Variants in NUP205 observed in about 807,000 individuals in gnomAD.
NUP205 encodes nuclear pore complex protein Nup205.
A neutral mutation model predicts 253.8 loss-of-function variants in NUP205; 76 were observed. That is an observed-to-expected ratio of 0.30 (90% CI 0.25 to 0.36). The LOEUF is 0.36. Among genes scored for constraint, NUP205 ranks in the 10% least tolerant of loss-of-function variants. The pLI is 1.00. For synonymous variants in NUP205, 832 were observed against 850.1 expected, an observed-to-expected ratio of 0.98 and a Z score of 0.37; for missense variants, 2,162 against 2,425.5, an observed-to-expected ratio of 0.89 and a Z score of 2.28.
Position 135,628,594 on chromosome 7 carries a change from T to C in NUP205, c.4932+483T>C, listed in dbSNP as rs77189082. On this transcript the variant is annotated intron_variant, in intron 34 of 42. Coordinates refer to ENST00000285968, the MANE Select transcript of NUP205 (RefSeq NM_015135.3). ...ATTTTGCTGTCAAAATTTTTTTAAA[T>C]ACCAGAAATTAGTTTTATTTTGATT... Among the ~76,000 whole-genome samples the C allele has an allele frequency of 5.6e-3, 851 of 152,352 alleles. 14 individuals carry two copies. The highest frequency in any genetic ancestry group is 0.051 in the East Asian group (267 of 5,192).
At chr7:135,606,679 T>TTTGTATTTTTTA in intron 20 of NUP205, 72 bp from the exon 21 acceptor site, 1 of 1,189,400 alleles carries the variant, frequency 8.4e-7, no homozygotes. Context: ...GAATACAAGT[T>TTTGTATTTTTTA]TTGTATTTTT....
intron 26 of NUP205, 146 bp from the exon 27 acceptor site, chr7:135,617,456 C>T: frequency 1.4e-6 from 1 of 714,598 alleles, no homozygotes. Context: ...ATATTTTGGT[C>T]TGGAAATTGG....
rs1016919201 is a variant in NUP205, at chr7:135,644,873, A to G, written c.5560-22A>G. 1.9e-6 allele frequency: 3 copies of G among 1,611,536 alleles called. No individual in the cohort carries two copies. In the African/African-American group the frequency reaches 4.0e-5, roughly 21 times the overall value. ...TTTCATTCCAGTTGATGTCATTCTAATACCACATTTGTTTCTTCTAGTTGT... is the reference window on the plus strand; with the variant it reads ...TTTCATTCCAGTTGATGTCATTCTAGTACCACATTTGTTTCTTCTAGTTGT... On this transcript the variant is annotated intron_variant, in intron 39 of 42. Transcript: ENST00000285968.
In NUP205 at chr7:135,593,103, T is replaced by A; in HGVS notation, c.1741T>A (p.Tyr581Asn). Residue 581 changes from tyrosine to asparagine, a missense_variant, in exon 12 of 43, where the codon TAC becomes AAC. Coordinates refer to ENST00000285968, the MANE Select transcript of NUP205 (RefSeq NM_015135.3). The part of the protein sequence containing the change: ...KDLPSADSVQ[Y>N]RHLPSRGITQ... ...TCTTCCAAGTGCAGATAGTGTCCAG[T>A]ACCGTCACCTTCCTTCCCGTGGCAT... The A allele has an allele frequency of 6.2e-7, 1 of 1,614,174 alleles. No homozygotes were observed. The highest frequency in any genetic ancestry group is 2.2e-5 in the East Asian group (1 of 44,876).
intron 13 of NUP205, among the ~76,000 whole-genome samples, chr7:135,595,951 T>G (rs890574779): frequency 4.6e-5 from 7 of 152,068 alleles, no homozygotes; most frequent in Non-Finnish European, 1.0e-4. Context: ...TTTTTTTTTT[T>G]AAGATGAAGT....
chr7:135,609,197 A>G (rs1794166427), intron 22 of NUP205, among the ~76,000 whole-genome samples: 1 of 151,938 alleles, frequency 6.6e-6, no homozygotes, highest in Non-Finnish European at 1.5e-5. Context: ...TTAGGATAAG[A>G]AATGGTGGGT....
At chr7:135,638,895 G>A (rs1430569286) in intron 38 of NUP205, among the ~76,000 whole-genome samples, 1 of 152,198 alleles carries the variant, frequency 6.6e-6, no homozygotes, top group East Asian at 1.9e-4. Context: ...TTTACTGAGA[G>A]TAAATCTAGA....
At chr7:135,570,789 T>C (rs28444589) in intron 1 of NUP205, among the ~76,000 whole-genome samples, 3 of 9,418 alleles carry the variant, frequency 3.2e-4, no homozygotes, top group Non-Finnish European at 7.4e-4. Flanking sequence ...TAATTATATT[T>C]ATATATTATA....
chr7:135,622,437 G>GAA (rs78117816), intron 30 of NUP205, among the ~76,000 whole-genome samples: 4 of 140,820 alleles, frequency 2.8e-5, no homozygotes, highest in Non-Finnish European at 6.2e-5. Context: ...AAAAAAGAAG[G>GAA]AAAAAAAAAA....
At chr7:135,616,578 T>G in intron 24 of NUP205, 77 bp from the exon 25 acceptor site, 3 of 797,778 alleles carry the variant, frequency 3.8e-6, no homozygotes, top group Non-Finnish European at 5.8e-6. Flanking sequence ...AGATACCTTG[T>G]GTTTGTTATT....
At chr7:135,562,781 G>T (rs1294118790) in intron 1 of NUP205, among the ~76,000 whole-genome samples, 1 of 151,614 alleles carries the variant, frequency 6.6e-6, no homozygotes, top group Non-Finnish European at 1.5e-5. Flanking sequence ...TCCTGACCTC[G>T]TATCTGCCCG....
At chr7:135,603,837 T>C (rs1374592622) in intron 18 of NUP205, among the ~76,000 whole-genome samples, 1 of 152,102 alleles carries the variant, frequency 6.6e-6, no homozygotes. Flanking sequence ...AATGACAATA[T>C]TGTCTGTCTC....
At position 135,575,043 on chromosome 7, in the gene NUP205, T is replaced by C. The variant is rs181456682; in HGVS notation, c.343+1218T>C. Among the ~76,000 whole-genome samples, 114 of 152,336 alleles carry C rather than the reference T, an allele frequency of 7.5e-4. 1 individual carries two copies. Among genetic ancestry groups the C allele is most frequent in the Admixed American group, 1.9e-3 (29 of 15,304 alleles). On this transcript the variant is annotated intron_variant, in intron 3 of 42. Transcript: ENST00000285968. ...ACAAACATTTCTTCTATACCTACCATGTGCCAGGCATGGTGTTAATTATAT... is the reference window on the plus strand; with the variant it reads ...ACAAACATTTCTTCTATACCTACCACGTGCCAGGCATGGTGTTAATTATAT...
rs1402030455 is a variant in NUP205, at chr7:135,581,028, G to A, written c.1042+2113G>A. ...TCCTTTTATAAGCTTTAATAGTTAG[G>A]GGTATTATAATTAGAATTTTTAAAC... is the stretch of plus-strand genomic sequence containing the variant. On this transcript the variant is annotated intron_variant, in intron 7 of 42. Coordinates refer to ENST00000285968, the MANE Select transcript of NUP205 (RefSeq NM_015135.3). Among the ~76,000 whole-genome samples, 4 of 151,948 alleles carry A rather than the reference G, an allele frequency of 2.6e-5. No individual in the cohort carries two copies. The East Asian group carries it at 5.8e-4, about 22-fold the overall frequency.
In NUP205 at chr7:135,567,128, GTATATATATATATATATATATATATATA is replaced by G. The variant is rs1163648935; in HGVS notation, c.29-3951_29-3924del. 5.5e-4 allele frequency among the ~76,000 whole-genome samples: 4 copies of G among 7,228 alleles called. 1 individual carries two copies. Among genetic ancestry groups the G allele is most frequent in the Admixed American group, 2.3e-3 (1 of 434 alleles). 4.7% of individuals were successfully genotyped at this position (7,228 alleles called of 152,430 possible). A position where few individuals can be genotyped will look rare whatever the true frequency, so the allele number is the denominator to read the frequency against. Reference sequence around the variant, plus strand: ...TGTCTGTCTTGCTCAGTCTATGTGTGTATATATATATATATATATATATATATATATATATATATATATATATATATAT... The same window carrying G: ...TGTCTGTCTTGCTCAGTCTATGTGTGTATATATATATATATATATATATAT... On this transcript the variant is annotated intron_variant, in intron 1 of 42. Coordinates refer to ENST00000285968, the MANE Select transcript of NUP205 (RefSeq NM_015135.3).
rs758234103 is a variant in NUP205 at position 135,606,133 on chromosome 7, A to G, written c.2824-12A>G. 81 of 1,572,564 alleles carry G rather than the reference A, an allele frequency of 5.2e-5. No individual in the cohort carries two copies. Among genetic ancestry groups the G allele is most frequent in the East Asian group, 6.7e-5 (3 of 44,564 alleles). On this transcript the variant is annotated splice_polypyrimidine_tract_variant and intron_variant, in intron 19 of 42. Coordinates refer to ENST00000285968, the MANE Select transcript of NUP205 (RefSeq NM_015135.3). ...TAATAATTTGTCATTTTTTACCTTC[A>G]TGTTACTTCAGAGTATAAGTCAGAA...
rs140015371 is a variant in NUP205, at chr7:135,626,784, T to A, written c.4793+423T>A. Reference sequence around the variant, plus strand: ...AGCTTCAAATGGAATTGTTTTCAAGTTTCAAGCTTTTCAGCTGATTTCTTA... The same window carrying A: ...AGCTTCAAATGGAATTGTTTTCAAGATTCAAGCTTTTCAGCTGATTTCTTA... On this transcript the variant is annotated intron_variant, in intron 33 of 42. Transcript: ENST00000285968. Among the ~76,000 whole-genome samples the A allele has an allele frequency of 2.4e-3, 361 of 152,348 alleles. 1 individual carries two copies. The highest frequency in any genetic ancestry group is 8.3e-3 in the African/African-American group (346 of 41,588).
chr7:135,562,069 A>T (rs923726879), intron 1 of NUP205, among the ~76,000 whole-genome samples: 4 of 151,984 alleles, frequency 2.6e-5, no homozygotes, highest in Admixed American at 2.6e-4. Flanking sequence ...CTGAACTGCT[A>T]TGCCCAGCCT....
chr7:135,576,841 C>G, intron 4 of NUP205, 128 bp from the exon 5 acceptor site: 1 of 814,196 alleles, frequency 1.2e-6, no homozygotes, highest in South Asian at 1.9e-5. Flanking sequence ...ATGATCACGC[C>G]ACTGCACTCC....
Sources: allele counts gnomAD v4.1 joint callset (sites outside exome capture counted in the v4.1 genomes callset), GRCh38; gene constraint gnomAD v4.1.1; transcripts MANE v1.5; gene names NCBI Gene and HGNC (gene_info 2026-07-23, HGNC 2026-07-21).